Variants in C3orf22 observed in about 807,000 individuals in gnomAD.
C3orf22 encodes the protein uncharacterized protein C3orf22.
In C3orf22, 7 loss-of-function variants were observed where a neutral mutation model predicts 10.8. That is an observed-to-expected ratio of 0.65 (90% CI 0.37 to 1.22). The LOEUF is 1.22. Among genes scored for constraint, C3orf22 ranks in the 50% most tolerant of loss-of-function variants. The pLI, the probability that C3orf22 is intolerant of heterozygous loss-of-function variation, is 0.02. For synonymous variants in C3orf22, 79 were observed against 78.9 expected, an observed-to-expected ratio of 1.00 and a Z score of 0.00; for missense variants, 173 against 177.0, an observed-to-expected ratio of 0.98 and a Z score of 0.13.
At chr3:126,548,969 A>G (rs1937115702), downstream of C3orf22, among the ~76,000 whole-genome samples, 1 of 152,178 alleles carries the variant, frequency 6.6e-6, no homozygotes, top group Non-Finnish European at 1.5e-5. Context: ...AAGGAACTCC[A>G]AGGTGACTTT....
rs1937137477 is a variant in C3orf22 at position 126,549,767 on chromosome 3, G to A, written c.*101C>T. ...CACAAACCACTCCCGGTCTATGATGGCCATGAAGGCTGATCCCTTTACTAA... is the reference window on the plus strand; with the variant it reads ...CACAAACCACTCCCGGTCTATGATGACCATGAAGGCTGATCCCTTTACTAA... On this transcript the variant is annotated 3_prime_UTR_variant, in exon 4 of 4. Transcript: ENST00000318225. 1.3e-6 allele frequency: 2 copies of A among 1,509,828 alleles called. No homozygotes were observed. The highest frequency in any genetic ancestry group is 1.8e-6 in the Non-Finnish European group (2 of 1,129,042). The allele number at this position is 1,509,828 out of a possible 1,614,324, so 93.5% of individuals were successfully genotyped here.
At chr3:126,547,301 G>A (rs536313593), downstream of C3orf22, among the ~76,000 whole-genome samples, 4 of 152,192 alleles carry the variant, frequency 2.6e-5, no homozygotes, top group African/African-American at 9.7e-5. Context: ...TCTCTCTCCT[G>A]TCAAACATTT....
At chr3:126,548,128 G>A (rs759796936), downstream of C3orf22, among the ~76,000 whole-genome samples, 4 of 152,206 alleles carry the variant, frequency 2.6e-5, no homozygotes, top group Non-Finnish European at 5.9e-5. Context: ...CTGAGTAGCT[G>A]GCATCACAGG....
At chr3:126,530,467 CA>C (rs1274882501) in intron 4 of C3orf22, among the ~76,000 whole-genome samples, 3 of 152,194 alleles carry the variant, frequency 2.0e-5, no homozygotes, top group Non-Finnish European at 2.9e-5. Flanking sequence ...ACTGCCCCTC[CA>C]CCCCCTGCCC....
intron 4 of C3orf22, among the ~76,000 whole-genome samples, chr3:126,535,385 G>A (rs2107567348): frequency 1.4e-5 from 2 of 145,192 alleles, no homozygotes; most frequent in East Asian, 2.1e-4. Flanking sequence ...GTCCCCAGCT[G>A]GTAGACAGAC....
intron 1 of C3orf22, among the ~76,000 whole-genome samples, chr3:126,558,085 C>T (rs1433965114): frequency 6.6e-6 from 1 of 150,756 alleles, no homozygotes; most frequent in Non-Finnish European, 1.5e-5. Flanking sequence ...CCGGGACAGG[C>T]AGCAGGGCCA....
chr3:126,528,640 G>A (rs1452741461), intron 5 of C3orf22, among the ~76,000 whole-genome samples: 7 of 152,180 alleles, frequency 4.6e-5, no homozygotes, highest in African/African-American at 1.7e-4. Flanking sequence ...CAGGGAAGGT[G>A]GAAGTGGGGT....
chr3:126,550,525 C>A (rs572448318), intron 3 of C3orf22, among the ~76,000 whole-genome samples: 2 of 152,234 alleles, frequency 1.3e-5, no homozygotes, highest in African/African-American at 2.4e-5. Context: ...CAGCTACATG[C>A]AGGACCCAGC....
chr3:126,549,935 G>C lies in C3orf22; in HGVS notation c.359C>G (p.Thr120Ser), dbSNP rs748512884. 9.3e-6 allele frequency: 15 copies of C among 1,614,040 alleles called. No homozygotes were observed. In the South Asian group the frequency reaches 1.5e-4, roughly 17 times the overall value. Residue 120 changes from threonine to serine, a missense_variant, in exon 4 of 4, where the codon ACC (threonine) becomes AGC (serine). Transcript: ENST00000318225. ...GGGGCAGGCAGCCTCAGTGTGCCGG[G>C]TGGACAGCAGGAAGGCGAGTTGTCT... The part of the protein sequence containing the change: ...FPRQLAFLLS[T>S]RHTEAACPQT...
intron 1 of C3orf22, among the ~76,000 whole-genome samples, chr3:126,554,880 T>C (rs1937290279): frequency 6.6e-6 from 1 of 152,130 alleles, no homozygotes; most frequent in South Asian, 2.1e-4. Context: ...CCTAGCCAGG[T>C]GGTGGCCTTT....
chr3:126,529,309 T>C (rs1349795281), exon 5 of C3orf22: 7 of 1,287,916 alleles, frequency 5.4e-6, no homozygotes, highest in Admixed American at 2.3e-5. Flanking sequence ...CTTGAGCAGC[T>C]CTCTCTGCTC....
At chr3:126,555,429 C>T (rs1190025787) in intron 1 of C3orf22, among the ~76,000 whole-genome samples, 3 of 152,170 alleles carry the variant, frequency 2.0e-5, no homozygotes, top group Non-Finnish European at 1.5e-5. Flanking sequence ...GGCTAGACCC[C>T]GCTCCAGCAT....
downstream of C3orf22, among the ~76,000 whole-genome samples, chr3:126,546,907 G>C (rs1279875527): frequency 1.3e-5 from 2 of 152,226 alleles, no homozygotes; most frequent in African/African-American, 2.4e-5. Flanking sequence ...CTGCGGGACT[G>C]AGGCAAAGAG....
chr3:126,536,190 G>T lies in C3orf22; in HGVS notation c.287-6818C>A, dbSNP rs1232160040. ...TGAGTGCCAGAGGTGGGTCAAATGT[G>T]CCTAGATGGGTTGGCCAAACCCCCA... On this transcript the variant is annotated intron_variant and NMD_transcript_variant, in intron 4 of 5. Coordinates refer to the C3orf22 transcript ENST00000505070. The T allele has an allele frequency of 3.4e-5, 40 of 1,182,594 alleles. No homozygotes were observed. The Admixed American group carries it at 6.8e-4, about 20-fold the overall frequency. The allele number at this position is 1,182,594 out of a possible 1,614,324, so 73.3% of individuals were successfully genotyped here.
chr3:126,530,112 C>G lies in C3orf22; in HGVS notation c.287-740G>C, dbSNP rs1043781321. ...ACCCAAGGATCCTCAAGATACCCCCCTTCTGACCTCCTGTGCCCATCTGTC... is the reference window on the plus strand; with the variant it reads ...ACCCAAGGATCCTCAAGATACCCCCGTTCTGACCTCCTGTGCCCATCTGTC... On this transcript the variant is annotated intron_variant and NMD_transcript_variant, in intron 4 of 5. Coordinates refer to the C3orf22 transcript ENST00000505070. Among the ~76,000 whole-genome samples the G allele has an allele frequency of 3.9e-5, 6 of 152,250 alleles. 1 individual carries two copies. The highest frequency in any genetic ancestry group is 5.9e-5 in the Non-Finnish European group (4 of 68,040).
intron 2 of C3orf22, among the ~76,000 whole-genome samples, chr3:126,552,718 G>A (rs2107582178): frequency 6.6e-6 from 1 of 152,196 alleles, no homozygotes; most frequent in East Asian, 1.9e-4. Flanking sequence ...GGGGTGGGGG[G>A]TGAGCATGGA....
At chr3:126,554,295 G>A (rs1394238565) in intron 1 of C3orf22, among the ~76,000 whole-genome samples, 3 of 134,266 alleles carry the variant, frequency 2.2e-5, no homozygotes, top group East Asian at 2.1e-4. Flanking sequence ...ACGAAGTCTC[G>A]CTCTCGTCCC....
Position 126,553,395 on chromosome 3 carries a change from G to C in C3orf22, c.-5C>G. The C allele has an allele frequency of 1.2e-6, 2 of 1,613,316 alleles. No individual in the cohort carries two copies. The highest frequency in any genetic ancestry group is 3.3e-5 in the Admixed American group (2 of 59,998). On this transcript the variant is annotated 5_prime_UTR_variant, in exon 2 of 4. Coordinates refer to ENST00000318225, the MANE Select transcript of C3orf22 (RefSeq NM_152533.3). ...CTTGCAGGCACTGGAGTCCATCACTGAGTGGGTTAAGCTGAGGCACACCTC... is the reference window on the plus strand; with the variant it reads ...CTTGCAGGCACTGGAGTCCATCACTCAGTGGGTTAAGCTGAGGCACACCTC...
Position 126,549,894 on chromosome 3 carries a change from C to T in C3orf22, c.400G>A (p.Ala134Thr), listed in dbSNP as rs760806513. Reference protein sequence around the residue: ...EAACPQTSKAAGLSRGLS With the variant: ...EAACPQTSKATGLSRGLS ...TAGGAGAGGCCCCTGGACAGCCCTG[C>T]CGCCTTGCTGGTCTGGGGGCAGGCA... The change falls in exon 4 of 4, where the codon GCA becomes ACA. Residue 134 changes from alanine to threonine, a missense_variant. Transcript: ENST00000318225. The T allele has an allele frequency of 1.9e-6, 3 of 1,613,572 alleles. No individual in the cohort carries two copies. Among genetic ancestry groups the T allele is most frequent in the African/African-American group, 1.3e-5 (1 of 75,004 alleles).
Sources: gnomAD v4.1 joint callset for allele counts (sites outside exome capture counted in the v4.1 genomes callset) on GRCh38, gnomAD v4.1.1 for gene constraint, MANE v1.5 for transcripts, NCBI Gene and HGNC (gene_info 2026-07-23, HGNC 2026-07-21) for gene names.